Variants in SGCZ observed in about 807,000 individuals in gnomAD.
SGCZ encodes the protein zeta-sarcoglycan.
A neutral mutation model predicts 41.3 loss-of-function variants in SGCZ; 40 were observed. The ratio of observed to expected loss-of-function variants is 0.97; its 90% CI spans 0.75 to 1.26. The LOEUF (loss-of-function observed/expected upper bound fraction) is 1.26, where lower values mean the gene tolerates loss of function less well. Among genes scored for constraint, SGCZ ranks in the 50% most tolerant of loss-of-function variants. The probability of loss-of-function intolerance (pLI) is 0.00; values close to 1 mark genes in which losing one functional copy is unlikely to be tolerated. For missense variants in SGCZ, 552 were observed against 369.8 expected, an observed-to-expected ratio of 1.49 and a Z score of -4.04; for synonymous variants, 206 against 137.5, an observed-to-expected ratio of 1.50 and a Z score of -3.49.
chr8:14,166,814 T>A (rs927106499), intron 4 of SGCZ, among the ~76,000 whole-genome samples: 2 of 152,166 alleles, frequency 1.3e-5, no homozygotes, highest in African/African-American at 4.8e-5. Flanking sequence ...TGTCTGGATA[T>A]GGTGAAGTGA....
chr8:14,365,239 A>C (rs1003515686), intron 2 of SGCZ, among the ~76,000 whole-genome samples: 1 of 152,018 alleles, frequency 6.6e-6, no homozygotes, highest in Admixed American at 6.6e-5. Flanking sequence ...AAATGCATTT[A>C]TTGTCTCAAA....
At chr8:14,096,430 C>T (rs1217767203) in intron 7 of SGCZ, among the ~76,000 whole-genome samples, 1 of 152,130 alleles carries the variant, frequency 6.6e-6, no homozygotes, top group Non-Finnish European at 1.5e-5. Flanking sequence ...TATGTTGAAC[C>T]AGCCTTGCAT....
At chr8:14,943,021 C>G (rs758212825) in intron 1 of SGCZ, among the ~76,000 whole-genome samples, 2 of 152,112 alleles carry the variant, frequency 1.3e-5, no homozygotes, top group Non-Finnish European at 2.9e-5. Context: ...CTTACATTTT[C>G]TAACTGTGAA....
At chr8:14,233,200 A>G (rs1806634603) in intron 4 of SGCZ, among the ~76,000 whole-genome samples, 1 of 152,044 alleles carries the variant, frequency 6.6e-6, no homozygotes, top group African/African-American at 2.4e-5. Flanking sequence ...GACTGACAGC[A>G]TAAGGCACAT....
intron 1 of SGCZ, among the ~76,000 whole-genome samples, chr8:14,665,242 T>C (rs1265831646): frequency 2.0e-5 from 3 of 151,658 alleles, no homozygotes; most frequent in African/African-American, 7.3e-5. Flanking sequence ...AATTCCCACC[T>C]ATGAGTGAGA....
intron 1 of SGCZ, among the ~76,000 whole-genome samples, chr8:15,217,051 T>TAA (rs1027921947): frequency 1.4e-5 from 2 of 145,296 alleles, no homozygotes; most frequent in African/African-American, 2.5e-5. Context: ...CTTATATTCT[T>TAA]AAAAAAAAAA....
intron 1 of SGCZ, among the ~76,000 whole-genome samples, chr8:14,915,233 G>C (rs927977918): frequency 6.6e-6 from 1 of 151,950 alleles, no homozygotes; most frequent in Admixed American, 6.6e-5. Flanking sequence ...GCCTTTATTA[G>C]GAAAGAAATC....
At chr8:14,346,687 T>C (rs1563271149) in intron 2 of SGCZ, among the ~76,000 whole-genome samples, 2 of 152,066 alleles carry the variant, frequency 1.3e-5, no homozygotes, top group African/African-American at 4.8e-5. Context: ...TTTTACATTA[T>C]AAGGGAAGAA....
intron 1 of SGCZ, among the ~76,000 whole-genome samples, chr8:15,113,701 G>A (rs1157907427): frequency 6.6e-6 from 1 of 152,130 alleles, no homozygotes; most frequent in Non-Finnish European, 1.5e-5. Context: ...CAAAGTCATT[G>A]CATGAAATTA....
At chr8:15,230,093 C>G (rs1028315163) in intron 1 of SGCZ, among the ~76,000 whole-genome samples, 2 of 151,762 alleles carry the variant, frequency 1.3e-5, no homozygotes, top group African/African-American at 4.8e-5. Context: ...TGAGGCATGT[C>G]CACTGAAACA....
chr8:14,319,722 A>G (rs191464392), intron 3 of SGCZ, among the ~76,000 whole-genome samples: 10 of 152,158 alleles, frequency 6.6e-5, no homozygotes, highest in Admixed American at 5.9e-4. Flanking sequence ...GAATGTAAAT[A>G]TTATGAATTC....
intron 1 of SGCZ, among the ~76,000 whole-genome samples, chr8:14,621,677 G>T (rs1004036069): frequency 6.6e-6 from 1 of 151,794 alleles, no homozygotes; most frequent in African/African-American, 2.4e-5. Context: ...GTGAAGTGGG[G>T]AAGTGCTACA....
intron 3 of SGCZ, among the ~76,000 whole-genome samples, chr8:14,241,749 T>G (rs1798901303): frequency 6.6e-6 from 1 of 152,124 alleles, no homozygotes; most frequent in African/African-American, 2.4e-5. Flanking sequence ...GCAACGAGAC[T>G]GTTAAGTGGG....
chr8:14,267,406 G>C (rs1799911019), intron 3 of SGCZ, among the ~76,000 whole-genome samples: 1 of 152,062 alleles, frequency 6.6e-6, no homozygotes, highest in Non-Finnish European at 1.5e-5. Context: ...TGCCACTGCT[G>C]TGTATTGTAA....
intron 1 of SGCZ, among the ~76,000 whole-genome samples, chr8:14,701,934 C>T (rs1809151118): frequency 6.6e-6 from 1 of 151,922 alleles, no homozygotes; most frequent in South Asian, 2.1e-4. Flanking sequence ...TAATAAACCT[C>T]CCTTCATCCA....
intron 1 of SGCZ, among the ~76,000 whole-genome samples, chr8:14,978,939 C>A (rs889379504): frequency 6.6e-6 from 1 of 152,122 alleles, no homozygotes; most frequent in African/African-American, 2.4e-5. Context: ...GCTGGGACTA[C>A]AGGCATGTGC....
chr8:14,864,071 C>A (rs966487328), intron 1 of SGCZ, among the ~76,000 whole-genome samples: 3 of 152,100 alleles, frequency 2.0e-5, no homozygotes, highest in African/African-American at 4.8e-5. Flanking sequence ...TTCCTGGTAG[C>A]ATAAAGTTAC....
At chr8:14,470,406 G>C (rs572604705) in intron 2 of SGCZ, among the ~76,000 whole-genome samples, 1 of 151,944 alleles carries the variant, frequency 6.6e-6, no homozygotes, top group Non-Finnish European at 1.5e-5. Context: ...ATCTCTATGA[G>C]GTAGATGCTA....
At chr8:14,094,114 G>A (rs184886557) in intron 7 of SGCZ, among the ~76,000 whole-genome samples, 292 of 151,886 alleles carry the variant, frequency 1.9e-3, no homozygotes, top group Middle Eastern at 3.4e-3. Context: ...ATTCCCTGAC[G>A]CCCCAAGATA....
Sources: allele counts gnomAD v4.1 joint callset (sites outside exome capture counted in the v4.1 genomes callset), GRCh38; gene constraint gnomAD v4.1.1; transcripts MANE v1.5; gene names NCBI Gene and HGNC (gene_info 2026-07-23, HGNC 2026-07-21).